SNX14: variants seen among roughly 807,000 people sequenced by gnomAD.
SNX14 encodes sorting nexin 14.
In SNX14, 93 loss-of-function variants were observed where a neutral mutation model predicts 133.8. That is an observed-to-expected ratio of 0.70 (90% CI 0.59 to 0.83). SNX14 has a LOEUF of 0.83. Ranked by LOEUF, SNX14 falls within the 40% of genes least tolerant of loss-of-function variation. The probability of loss-of-function intolerance (pLI) is 0.00; values close to 1 mark genes in which losing one functional copy is unlikely to be tolerated. For synonymous variants in SNX14, 368 were observed against 365.6 expected (o/e 1.01, Z -0.07); for missense variants, 945 against 1,094.9 (o/e 0.86, Z 1.93).
At chr6:85,534,055 C>T (rs1427011019) in intron 17 of SNX14, among the ~76,000 whole-genome samples, 1 of 152,184 alleles carries the variant, frequency 6.6e-6, no homozygotes, top group African/African-American at 2.4e-5. Flanking sequence ...CGCCTATAAT[C>T]CCAACACTTT....
chr6:85,539,361 G>T (rs1218602183), intron 15 of SNX14, among the ~76,000 whole-genome samples: 1 of 152,074 alleles, frequency 6.6e-6, no homozygotes, highest in East Asian at 1.9e-4. Flanking sequence ...ATGTTAGACA[G>T]AATCATTTAT....
At chr6:85,555,949 T>C (rs1480389251) in intron 7 of SNX14, among the ~76,000 whole-genome samples, 1 of 151,792 alleles carries the variant, frequency 6.6e-6, no homozygotes. Context: ...GATTGTGCCA[T>C]TGGTCTCCAG....
intron 4 of SNX14, among the ~76,000 whole-genome samples, chr6:85,571,026 A>T (rs1795367676): frequency 6.6e-6 from 1 of 152,160 alleles, no homozygotes; most frequent in African/African-American, 2.4e-5. Context: ...CATATTAGAC[A>T]GAAGTCTTAA....
intron 1 of SNX14, among the ~76,000 whole-genome samples, chr6:85,591,528 G>T (rs1371379071): frequency 6.6e-6 from 1 of 152,112 alleles, no homozygotes; most frequent in African/African-American, 2.4e-5. Flanking sequence ...ACAGGGTACA[G>T]GTTAGATGGT....
Position 85,574,278 on chromosome 6 carries a change from T to C in SNX14, c.241A>G (p.Thr81Ala). 6.3e-7 allele frequency: 1 copy of C among 1,589,246 alleles called. No individual in the cohort carries two copies. The highest frequency in any genetic ancestry group is 1.1e-5 in the South Asian group (1 of 87,226). The change falls in exon 2 of 29, where the codon ACA (threonine) becomes GCA (alanine). Residue 81 changes from threonine (T) to alanine (A), a missense_variant. Thr to Ala is a moderately conservative substitution (Grantham distance 58). This residue lies in a region of SNX14 where 514 missense variants were observed against 538.8 expected (regional missense o/e 0.95). Transcript: ENST00000314673. Reference protein sequence around the residue: ...PDSLLPNIFFTIKYKPKQLGL... With the variant: ...PDSLLPNIFFAIKYKPKQLGL... Reference sequence around the variant, plus strand: ...TTTACCTTGGGTTTGTATTTTATTGTGAAGAATATATTTGGTAAGAGAGAA... The same window carrying C: ...TTTACCTTGGGTTTGTATTTTATTGCGAAGAATATATTTGGTAAGAGAGAA...
At chr6:85,523,493 G>C (rs1316798077) in intron 21 of SNX14, among the ~76,000 whole-genome samples, 1 of 152,212 alleles carries the variant, frequency 6.6e-6, no homozygotes, top group Non-Finnish European at 1.5e-5. Context: ...ACATGTGTAA[G>C]GCAGGGCATG....
At chr6:85,552,708 A>G (rs1428674460) in intron 7 of SNX14, among the ~76,000 whole-genome samples, 2 of 152,226 alleles carry the variant, frequency 1.3e-5, no homozygotes, top group Non-Finnish European at 2.9e-5. Context: ...CTGGACCCCC[A>G]TTAGATAGAA....
rs552711981 is a variant in SNX14 at position 85,564,341 on chromosome 6, C to T, written c.549+991G>A. On this transcript the variant is annotated intron_variant, in intron 6 of 28. Transcript: ENST00000314673. ...TTCTAGTTCTAGATCCTTGAGGAAT[C>T]GCCACACTGTCTTCCACAATGGTTG... 2.7e-3 allele frequency among the ~76,000 whole-genome samples: 411 copies of T among 152,292 alleles called. 2 individuals carry two copies. Among genetic ancestry groups the T allele is most frequent in the Middle Eastern group, 0.02 (6 of 294 alleles).
intron 5 of SNX14, among the ~76,000 whole-genome samples, chr6:85,565,918 G>A (rs746838785): frequency 6.6e-6 from 1 of 152,184 alleles, no homozygotes; most frequent in Non-Finnish European, 1.5e-5. Flanking sequence ...ACCTTCAACT[G>A]AGGAGTTACT....
intron 15 of SNX14, among the ~76,000 whole-genome samples, chr6:85,539,889 A>G (rs996734708): frequency 2.0e-5 from 3 of 151,176 alleles, no homozygotes; most frequent in African/African-American, 7.3e-5. Context: ...AAGGCTTTTC[A>G]TCTCTGAAGT....
At chr6:85,561,580 G>A (rs143072270) in intron 6 of SNX14, among the ~76,000 whole-genome samples, 1 of 152,110 alleles carries the variant, frequency 6.6e-6, no homozygotes, top group East Asian at 1.9e-4. Flanking sequence ...ACAATGTGGT[G>A]ACTGTTTATC....
At chr6:85,507,943 G>C in intron 27 of SNX14, 25 bp downstream of exon 27, 1 of 1,600,896 alleles carries the variant, frequency 6.2e-7, no homozygotes, top group Middle Eastern at 1.7e-4. Context: ...GCCAGCATGA[G>C]TTTACGAGCT....
chr6:85,567,505 G>GA lies in SNX14; in HGVS notation c.461+28dup, dbSNP rs530345151. 319 of 1,478,050 alleles carry GA rather than the reference G, an allele frequency of 2.2e-4. 1 individual carries two copies. The African/African-American group carries it at 4.2e-3, about 19-fold the overall frequency. 91.6% of individuals were successfully genotyped at this position (1,478,050 alleles called of 1,614,324 possible). ...ACTTAATAGTATTCACTGTATCACA[G>GA]AAAAAAAGATCTTATAGAAAGAACA... On this transcript the variant is annotated intron_variant, in intron 5 of 28. Transcript: ENST00000314673.
intron 26 of SNX14, among the ~76,000 whole-genome samples, chr6:85,509,501 C>G (rs546324201): frequency 3.4e-5 from 4 of 119,082 alleles, no homozygotes; most frequent in African/African-American, 1.2e-4. Flanking sequence ...AGGTTCTGTC[C>G]TAAGACCTCC....
At chr6:85,587,293 T>C (rs887863568) in intron 1 of SNX14, among the ~76,000 whole-genome samples, 1 of 152,114 alleles carries the variant, frequency 6.6e-6, no homozygotes, top group Non-Finnish European at 1.5e-5. Flanking sequence ...TTATGTATGC[T>C]TGGAAATTTT....
At position 85,586,728 on chromosome 6, in the gene SNX14, G is replaced by A. The variant is rs140604663; in HGVS notation, c.140+6851C>T. 3.3e-5 allele frequency among the ~76,000 whole-genome samples: 5 copies of A among 151,976 alleles called. No homozygotes were observed. The East Asian group carries it at 7.7e-4, about 24-fold the overall frequency. ...CCGAGTTAGCTAGGACCATAGGCTC[G>A]CTACTTTTTTTTCTTTTTTTGGTAC... On this transcript the variant is annotated intron_variant, in intron 1 of 28. Coordinates refer to ENST00000314673, the MANE Select transcript of SNX14 (RefSeq NM_153816.6).
chr6:85,558,506 G>T (rs1790472270), intron 6 of SNX14, among the ~76,000 whole-genome samples: 1 of 152,134 alleles, frequency 6.6e-6, no homozygotes, highest in African/African-American at 2.4e-5. Context: ...CACAGCAGCT[G>T]CCCAGCCTGG....
At chr6:85,585,380 A>G (rs994768468) in intron 1 of SNX14, among the ~76,000 whole-genome samples, 10 of 152,154 alleles carry the variant, frequency 6.6e-5, no homozygotes, top group African/African-American at 2.4e-4. Flanking sequence ...AACTTAAAGT[A>G]TAATTAAAAA....
intron 1 of SNX14, among the ~76,000 whole-genome samples, chr6:85,588,047 T>C (rs1801538230): frequency 1.3e-5 from 2 of 152,100 alleles, no homozygotes; most frequent in Admixed American, 6.5e-5. Flanking sequence ...CCCAGCACTT[T>C]AGGAGGCAGA....
Sources: allele counts gnomAD v4.1 joint callset (sites outside exome capture counted in the v4.1 genomes callset), GRCh38; gene constraint gnomAD v4.1.1; regional missense constraint gnomAD v4.1.1; transcripts MANE v1.5; gene names NCBI Gene and HGNC (gene_info 2026-07-23, HGNC 2026-07-21).